OSR1: variants seen among roughly 807,000 people sequenced by gnomAD.
The protein encoded by OSR1 is odd-skipped related transcription factor 1.
A neutral mutation model predicts 15.7 loss-of-function variants in OSR1; 3 were observed. That is an observed-to-expected ratio of 0.19 (90% CI 0.09 to 0.50). OSR1 has a LOEUF of 0.50. Among genes scored for constraint, OSR1 ranks in the 20% least tolerant of loss-of-function variants. The probability of loss-of-function intolerance (pLI) is 0.97; values close to 1 mark genes in which losing one functional copy is unlikely to be tolerated. For missense variants in OSR1, 271 were observed against 351.1 expected (o/e 0.77, Z 1.82); for synonymous variants, 166 against 152.7 (o/e 1.09, Z -0.64).
chr2:19,348,144 C>G (rs1242768837), downstream of OSR1, among the ~76,000 whole-genome samples: 1 of 152,060 alleles, frequency 6.6e-6, no homozygotes, highest in Non-Finnish European at 1.5e-5. Flanking sequence ...GCCGCGGCAA[C>G]TGCTGCCCTG....
Position 19,353,931 on chromosome 2 carries a change from C to G in OSR1, c.-32-94G>C, listed in dbSNP as rs568888092. ...CTGAATTCCAGCCGAGCCACACCCT[C>G]TCCTCACACCCAGCGCAGGAGCTAA... On this transcript the variant is annotated intron_variant, in intron 1 of 2. Transcript: ENST00000272223. 56 of 1,010,514 alleles carry G rather than the reference C, an allele frequency of 5.5e-5. No homozygotes were observed. The African/African-American group carries it at 7.0e-4, about 13-fold the overall frequency. 62.6% of individuals were successfully genotyped at this position (1,010,514 alleles called of 1,614,324 possible).
chr2:19,352,490 T>A, intron 2 of OSR1, 80 bp from the exon 3 acceptor site: 3 of 1,510,546 alleles, frequency 2.0e-6, no homozygotes, highest in African/African-American at 1.4e-5. Flanking sequence ...CTCCCACTGC[T>A]GTGGGGCACT....
Position 19,353,129 on chromosome 2 carries a change from G to T in OSR1, c.665+12C>A. ...CAGAGAGCTCTCTCTTGCGCCACCC[G>T]CAGTGCCGCACCTGTGGTCTCGCAG... On this transcript the variant is annotated intron_variant, in intron 2 of 2. Coordinates refer to ENST00000272223, the MANE Select transcript of OSR1 (RefSeq NM_145260.3). 6.2e-7 allele frequency: 1 copy of T among 1,611,590 alleles called. No individual in the cohort carries two copies. The highest frequency in any genetic ancestry group is 2.2e-5 in the East Asian group (1 of 44,828).
At chr2:19,353,865 G>A in intron 1 of OSR1, 28 bp from the exon 2 acceptor site, 21 of 1,515,876 alleles carry the variant, frequency 1.4e-5, no homozygotes, top group Non-Finnish European at 1.9e-5. Context: ...AGGCAGGGGC[G>A]TGGAGAGGAA....
downstream of OSR1, among the ~76,000 whole-genome samples, chr2:19,346,961 C>G (rs1664740857): frequency 6.6e-6 from 1 of 152,214 alleles, no homozygotes; most frequent in South Asian, 2.1e-4. Context: ...GAGTAGCGCT[C>G]TGACATAGGG....
intron 1 of OSR1, chr2:19,356,576 C>A (rs1459963323): frequency 6.6e-6 from 1 of 152,296 alleles, no homozygotes; most frequent in African/African-American, 2.4e-5. Context: ...GAGCCCCCGG[C>A]TCCTCCGGCT....
At chr2:19,350,857 C>T (rs1476863866), downstream of OSR1, among the ~76,000 whole-genome samples, 1 of 152,138 alleles carries the variant, frequency 6.6e-6, no homozygotes, top group Non-Finnish European at 1.5e-5. Flanking sequence ...TTCGCGGGTG[C>T]AGAGCCTCGA....
downstream of OSR1, chr2:19,348,625 T>C (rs1558357787): frequency 6.5e-6 from 1 of 154,230 alleles, no homozygotes; most frequent in Non-Finnish European, 1.5e-5. Flanking sequence ...GAGCATCACA[T>C]TGCGTCCCTC....
downstream of OSR1, among the ~76,000 whole-genome samples, chr2:19,350,695 G>GC (rs1379554962): frequency 6.6e-6 from 1 of 152,084 alleles, no homozygotes; most frequent in Non-Finnish European, 1.5e-5. Context: ...AAGAGCCCCG[G>GC]CGGCCTGGCT....
downstream of OSR1, among the ~76,000 whole-genome samples, chr2:19,347,159 A>C (rs1383842536): frequency 6.6e-6 from 1 of 152,132 alleles, no homozygotes; most frequent in Non-Finnish European, 1.5e-5. Context: ...ATCTCCTGGG[A>C]ATACAGTAGG....
In OSR1 at chr2:19,357,150, CT is replaced by C. The variant is rs761701881; in HGVS notation, c.-33+1190del. Among the ~76,000 whole-genome samples the C allele has an allele frequency of 4.6e-5, 7 of 152,186 alleles. 1 individual carries two copies. In the East Asian group the frequency reaches 7.7e-4, roughly 17 times the overall value. On this transcript the variant is annotated intron_variant, in intron 1 of 2. Transcript: ENST00000272223. The surrounding 1 kb of genome is among the most constrained non-coding windows in gnomAD (Gnocchi z 5.0). ...GCTGCACTTAAATGTCCGCTGCGTC[CT>C]CGGTGATCCATTCCCCAATCTTAAT... is the stretch of plus-strand genomic sequence containing the variant.
chr2:19,354,074 T>C, intron 1 of OSR1: 1 of 460,570 alleles, frequency 2.2e-6, no homozygotes, highest in South Asian at 3.7e-5. Context: ...CCAAATGGCG[T>C]CTGGCAGAGC....
chr2:19,350,548 A>G (rs752059299), downstream of OSR1, among the ~76,000 whole-genome samples: 1 of 152,152 alleles, frequency 6.6e-6, no homozygotes, highest in Non-Finnish European at 1.5e-5. Flanking sequence ...TCCAGTTGTC[A>G]TCCGCGGCCG....
the OSR1 span, among the ~76,000 whole-genome samples, chr2:19,345,245 T>C: frequency 6.6e-6 from 1 of 152,098 alleles, no homozygotes; most frequent in African/African-American, 2.4e-5. Flanking sequence ...TTCTCCCATT[T>C]TGTAGGTTGC....
intron 2 of OSR1, 103 bp downstream of exon 2, chr2:19,353,038 C>G (rs950810380): frequency 7.3e-7 from 1 of 1,377,140 alleles, no homozygotes; most frequent in Non-Finnish European, 9.9e-7. Flanking sequence ...CCTGAAGCTC[C>G]AGAGGCTTGG....
rs1323366899 is a variant in OSR1 at position 19,353,702 on chromosome 2, G to A, written c.104C>T (p.Ser35Leu). ...QAVNGLPTVPSDHLPNLYGFS... is the reference protein window; with the variant it reads ...QAVNGLPTVPLDHLPNLYGFS... ...ACCATACAGGTTGGGCAGATGGTCC[G>A]AAGGCACTGTGGGCAGGCCGTTCAC... is the stretch of plus-strand genomic sequence containing the variant. Residue 35 changes from serine (S) to leucine (L), a missense_variant, in exon 2 of 3, where the codon TCG becomes TTG. Transcript: ENST00000272223. The A allele has an allele frequency of 3.7e-6, 6 of 1,614,058 alleles. No homozygotes were observed. The East Asian group carries it at 1.1e-4, about 30-fold the overall frequency.
At chr2:19,351,396 C>G (rs551179813), downstream of OSR1, 6 of 152,518 alleles carry the variant, frequency 3.9e-5, no homozygotes, top group Admixed American at 2.0e-4. Flanking sequence ...GAGGGGGACA[C>G]GCTGGCGTCC....
intron 1 of OSR1, 167 bp from the exon 2 acceptor site, chr2:19,354,004 G>A: frequency 1.7e-6 from 1 of 600,522 alleles, no homozygotes; most frequent in Non-Finnish European, 2.9e-6. Context: ...CAAAGAGGGT[G>A]GGAATGTAAG....
rs1370859883 is a variant in OSR1 at position 19,352,244 on chromosome 2, G to A, written c.*31C>T. The A allele has an allele frequency of 6.2e-7, 1 of 1,612,598 alleles. No homozygotes were observed. The highest frequency in any genetic ancestry group is 1.3e-5 in the African/African-American group (1 of 75,002). On this transcript the variant is annotated 3_prime_UTR_variant, in exon 3 of 3. Coordinates refer to ENST00000272223, the MANE Select transcript of OSR1 (RefSeq NM_145260.3). ...TCCCTATGGAGGAGAGGGCCGCTGG[G>A]CCTAGGGTCCTTGTGACCCACAGGT...
Sources: gnomAD v4.1 joint callset for allele counts (sites outside exome capture counted in the v4.1 genomes callset) on GRCh38, gnomAD v4.1.1 for gene constraint, Gnocchi (gnomAD v3.1) non-coding constraint, MANE v1.5 for transcripts, NCBI Gene and HGNC (gene_info 2026-07-23, HGNC 2026-07-21) for gene names.